Variants in CPEB2 observed in about 807,000 individuals in gnomAD.
CPEB2 encodes the protein cytoplasmic polyadenylation element-binding protein 2.
CPEB2 carries 56 observed loss-of-function variants against 93.6 expected under a neutral mutation model. That is an observed-to-expected ratio of 0.60 (90% CI 0.48 to 0.75). The LOEUF (loss-of-function observed/expected upper bound fraction) is 0.75, where lower values mean the gene tolerates loss of function less well. Among genes scored for constraint, CPEB2 ranks in the 30% least tolerant of loss-of-function variants. The pLI is 0.00. For synonymous variants in CPEB2, 764 were observed against 586.3 expected, an observed-to-expected ratio of 1.30 and a Z score of -4.38; for missense variants, 1,579 against 1,395.1, an observed-to-expected ratio of 1.13 and a Z score of -2.10.
chr4:15,032,326 C>A (rs1726202982), intron 4 of CPEB2, among the ~76,000 whole-genome samples: 1 of 152,058 alleles, frequency 6.6e-6, no homozygotes, highest in South Asian at 2.1e-4. Context: ...TGAGAAAAAT[C>A]CTGTATTTTA....
chr4:15,014,926 T>C (rs1328555998), intron 3 of CPEB2, among the ~76,000 whole-genome samples: 1 of 152,062 alleles, frequency 6.6e-6, no homozygotes, highest in Admixed American at 6.6e-5. Flanking sequence ...TATTCTCTGT[T>C]TCAGTTTTAT....
chr4:15,017,950 CAGT>C (rs1724364089), intron 4 of CPEB2: 1 of 151,732 alleles, frequency 6.6e-6, no homozygotes, highest in South Asian at 2.1e-4. Context: ...TCATTTATAT[CAGT>C]GGTGAAAATC....
intron 4 of CPEB2, among the ~76,000 whole-genome samples, chr4:15,031,117 A>C (rs1726046333): frequency 6.6e-6 from 1 of 152,014 alleles, no homozygotes; most frequent in Non-Finnish European, 1.5e-5. Context: ...AGCATATTTT[A>C]TTGAAATTGT....
At chr4:15,015,076 C>A (rs150138511) in intron 3 of CPEB2, among the ~76,000 whole-genome samples, 1 of 151,962 alleles carries the variant, frequency 6.6e-6, no homozygotes, top group Non-Finnish European at 1.5e-5. Flanking sequence ...TGACTTCAGA[C>A]GAAGAAACTA....
intron 5 of CPEB2, among the ~76,000 whole-genome samples, chr4:15,036,811 T>C (rs1291541116): frequency 6.6e-6 from 1 of 152,190 alleles, no homozygotes; most frequent in East Asian, 1.9e-4. Context: ...CTTACTGTAC[T>C]TTTTGAGAGG....
At chr4:15,040,556 T>A in intron 6 of CPEB2, 69 bp downstream of exon 6, 2 of 1,337,322 alleles carry the variant, frequency 1.5e-6, no homozygotes, top group Non-Finnish European at 2.0e-6. Flanking sequence ...TTGTAATTAA[T>A]TACTCTAGAT....
At chr4:15,008,864 A>G (rs374064660) in intron 3 of CPEB2, among the ~76,000 whole-genome samples, 1 of 152,204 alleles carries the variant, frequency 6.6e-6, no homozygotes, top group South Asian at 2.1e-4. Flanking sequence ...ATATTTCTAA[A>G]AAAGACTTCT....
chr4:15,023,605 A>T (rs191813680), intron 4 of CPEB2, among the ~76,000 whole-genome samples: 47 of 152,110 alleles, frequency 3.1e-4, no homozygotes, highest in Non-Finnish European at 5.5e-4. Flanking sequence ...TAACTTTTTT[A>T]AAAAATTAGT....
In CPEB2 at chr4:15,007,363, G is replaced by A. The variant is rs1376611871; in HGVS notation, c.1721G>A (p.Ser574Asn). Residue 574 changes from serine (S) to asparagine (N), a missense_variant, in exon 2 of 12, where the codon AGT becomes AAT. Transcript: ENST00000538197. ...CAGAGCAGTGGCTGGGGCACTGGAA[G>A]TATGTCCTGGGGAGCAATGCATGGC... ...NHQSSGWGTG[S>N]MSWGAMHGRD... is the part of the protein sequence containing the mutation. 12 of 1,603,570 alleles carry A rather than the reference G, an allele frequency of 7.5e-6. No individual in the cohort carries two copies. Among genetic ancestry groups the A allele is most frequent in the African/African-American group, 4.0e-5 (3 of 74,668 alleles).
Position 15,033,175 on chromosome 4 carries a change from C to T in CPEB2, c.2140C>T (p.Pro714Ser). ...TCTTTTTAAAGGTCGATTGAGCTAT[C>T]CACATCCAGGAACTGACAATCTGTT... ...HDPLKGRLSY[P>S]HPGTDNLLML... The change falls in exon 5 of 12, where the codon CCA (proline) becomes TCA (serine). Residue 714 changes from proline (P) to serine (S), a missense_variant. Around this residue, in one of 2 missense-constraint regions of CPEB2, gnomAD observed 1,411 missense variants for 1,056.0 expected, o/e 1.34. Transcript: ENST00000538197. The T allele has an allele frequency of 6.2e-7, 1 of 1,604,610 alleles. No homozygotes were observed. The highest frequency in any genetic ancestry group is 1.7e-5 in the Admixed American group (1 of 59,772).
chr4:15,004,029 G>A lies in CPEB2; in HGVS notation c.1356G>A (p.Gly452=). Residue 452 remains glycine (G), a synonymous_variant, in exon 1 of 12, where the codon GGG becomes GGA. Coordinates refer to ENST00000538197, the MANE Select transcript of CPEB2 (RefSeq NM_001177382.2). The part of the protein sequence containing the change: ...SPDSENGFYP[G]LPSSMNPAFF... Reference sequence around the variant, plus strand: ...ACTCAGAGAACGGCTTCTACCCCGGGCTGCCGTCGTCCATGAACCCGGCCT... The same window carrying A: ...ACTCAGAGAACGGCTTCTACCCCGGACTGCCGTCGTCCATGAACCCGGCCT... The A allele has an allele frequency of 6.4e-6, 10 of 1,563,168 alleles. No homozygotes were observed. The highest frequency in any genetic ancestry group is 1.8e-5 in the Admixed American group (1 of 54,100).
chr4:15,029,449 C>G (rs1212829278), intron 4 of CPEB2, among the ~76,000 whole-genome samples: 1 of 151,910 alleles, frequency 6.6e-6, no homozygotes, highest in African/African-American at 2.4e-5. Context: ...TTTTAAATTA[C>G]TTATTTTAAA....
In CPEB2 at chr4:15,003,810, C is replaced by A; in HGVS notation, c.1137C>A (p.Phe379Leu). ...GSASPPPLPG[F>L]GTPWSVQTAS... ...CGTCGCCGCCGCCGCTGCCCGGCTT[C>A]GGCACCCCCTGGTCGGTGCAGACCG... is the stretch of plus-strand genomic sequence containing the variant. Residue 379 changes from phenylalanine (F) to leucine (L), a missense_variant, in exon 1 of 12, where the codon TTC becomes TTA. Phe to Leu is a conservative substitution (Grantham distance 22). Transcript: ENST00000538197. 1.0e-6 allele frequency: 1 copy of A among 1,004,814 alleles called. No individual in the cohort carries two copies. The highest frequency in any genetic ancestry group is 1.3e-6 in the Non-Finnish European group (1 of 793,076). The allele number at this position is 1,004,814 out of a possible 1,614,324, so 62.2% of individuals were successfully genotyped here.
intron 4 of CPEB2, among the ~76,000 whole-genome samples, chr4:15,018,423 A>G (rs1275413531): frequency 6.6e-6 from 1 of 151,456 alleles, no homozygotes; most frequent in Non-Finnish European, 1.5e-5. Flanking sequence ...GTGTGCTAAT[A>G]GTAATTCCTC....
Position 15,052,669 on chromosome 4 carries a change from A to G in CPEB2, c.2371+85A>G, listed in dbSNP as rs938973918. The G allele has an allele frequency of 5.9e-5, 51 of 858,364 alleles. No homozygotes were observed. In the East Asian group the frequency reaches 1.5e-3, roughly 25 times the overall value. The allele number at this position is 858,364 out of a possible 1,614,324, so 53.2% of individuals were successfully genotyped here. A position where few individuals can be genotyped will look rare whatever the true frequency, so the allele number is the denominator to read the frequency against. ...TGAAATTTAATGTGAATGGACTATG[A>G]AAGTTTTTACCACCTAGAGATTTTC... On this transcript the variant is annotated intron_variant, in intron 7 of 11. Transcript: ENST00000538197.
chr4:15,021,303 G>A (rs1029976966), intron 4 of CPEB2, among the ~76,000 whole-genome samples: 3 of 152,172 alleles, frequency 2.0e-5, no homozygotes, highest in South Asian at 2.1e-4. Flanking sequence ...TTCAAAGGAA[G>A]ATCATGGATT....
At chr4:15,036,153 T>C (rs962162828) in intron 5 of CPEB2, among the ~76,000 whole-genome samples, 3 of 152,178 alleles carry the variant, frequency 2.0e-5, no homozygotes, top group Non-Finnish European at 4.4e-5. Context: ...TAAGCATCTG[T>C]TAACTCAGAT....
intron 11 of CPEB2, among the ~76,000 whole-genome samples, chr4:15,065,402 T>G (rs532769717): frequency 6.6e-6 from 1 of 152,204 alleles, no homozygotes; most frequent in Admixed American, 6.5e-5. Context: ...CATAAAGTTA[T>G]CACAAGCAGG....
In CPEB2 at chr4:15,059,201, T is replaced by C; in HGVS notation, c.2595T>C (p.Pro865=). ...TIKDKPVQIR[P]WNLSDSDFVM... ...TTTCTTCATAGGTTCAAATACGTCC[T>C]TGGAATTTAAGTGATAGTGATTTTG... The change falls in exon 10 of 12, where the codon CCT becomes CCC. Residue 865 remains proline, a synonymous_variant. Coordinates refer to ENST00000538197, the MANE Select transcript of CPEB2 (RefSeq NM_001177382.2). The C allele has an allele frequency of 6.2e-7, 1 of 1,607,692 alleles. No homozygotes were observed. The highest frequency in any genetic ancestry group is 1.7e-4 in the Middle Eastern group (1 of 6,022).
Sources: allele counts gnomAD v4.1 joint callset (sites outside exome capture counted in the v4.1 genomes callset), GRCh38; gene constraint gnomAD v4.1.1; regional missense constraint gnomAD v4.1.1; transcripts MANE v1.5; gene names NCBI Gene and HGNC (gene_info 2026-07-23, HGNC 2026-07-21).